The following PCYT1B variants were observed in gnomAD, a reference collection of about 807,000 sequenced individuals.
PCYT1B encodes the protein phosphate cytidylyltransferase 1B, choline.
A neutral mutation model predicts 26.4 loss-of-function variants in PCYT1B; 10 were observed. The ratio of observed to expected loss-of-function variants is 0.38; its 90% CI spans 0.23 to 0.64. The LOEUF (loss-of-function observed/expected upper bound fraction) is 0.64. PCYT1B is among the 30% of genes least tolerant of loss of function. The pLI, the probability that PCYT1B is intolerant of heterozygous loss-of-function variation, is 0.56. For missense variants in PCYT1B, 161 were observed against 292.7 expected (o/e 0.55, Z 3.28); for synonymous variants, 131 against 108.4 (o/e 1.21, Z -1.29).
In PCYT1B at chrX:24,590,249, C is replaced by T. The variant is rs1924514945; in HGVS notation, c.335-75G>A. 3.2e-6 allele frequency: 3 copies of T among 932,513 alleles called. 1 individual carries two copies. Among genetic ancestry groups the T allele is most frequent in the Non-Finnish European group, 4.4e-6 (3 of 677,987 alleles). The allele number at this position is 932,513 out of a possible 1,213,427, so 76.8% of individuals were successfully genotyped here. ...CACAGCCACCCTGGTTCAGACAAGGCTTCTTCAGCAGGACAAAAGAAGCAC... is the reference window on the plus strand; with the variant it reads ...CACAGCCACCCTGGTTCAGACAAGGTTTCTTCAGCAGGACAAAAGAAGCAC... On this transcript the variant is annotated intron_variant, in intron 3 of 7. Coordinates refer to ENST00000379144, the MANE Select transcript of PCYT1B (RefSeq NM_004845.5).
At chrX:24,614,790 CA>C (rs1925433102) in intron 2 of PCYT1B, among the ~76,000 whole-genome samples, 1 of 111,992 alleles carries the variant, frequency 8.9e-6, no homozygotes, top group African/African-American at 3.2e-5. Context: ...GGTAATCAAA[CA>C]GCAAGATTCT....
intron 1 of PCYT1B, among the ~76,000 whole-genome samples, chrX:24,625,171 G>T (rs1052630160): frequency 8.9e-6 from 1 of 112,232 alleles, no homozygotes; most frequent in Admixed American, 9.5e-5. Flanking sequence ...GATAAGAACA[G>T]GACTTCAGAA....
chrX:24,672,815 G>C (rs1187453396), upstream of PCYT1B: 1 of 407,728 alleles, frequency 2.5e-6, no homozygotes, highest in Non-Finnish European at 4.2e-6. Flanking sequence ...AGAGATTTGA[G>C]TTGCTAGGCA....
intron 7 of PCYT1B, among the ~76,000 whole-genome samples, chrX:24,567,442 A>G (rs374929917): frequency 8.0e-5 from 9 of 112,285 alleles, no homozygotes; most frequent in African/African-American, 2.9e-4. Context: ...GTTTGTAATG[A>G]GCTTCCTGGG....
chrX:24,653,268 C>A (rs749808312), intron 1 of PCYT1B, among the ~76,000 whole-genome samples: 1 of 111,276 alleles, frequency 9.0e-6, no homozygotes, highest in Admixed American at 9.6e-5. Flanking sequence ...CCCCTCAGGA[C>A]TTACCATAAT....
intron 1 of PCYT1B, among the ~76,000 whole-genome samples, chrX:24,641,845 G>A (rs929930570): frequency 3.6e-5 from 4 of 112,212 alleles, no homozygotes; most frequent in Non-Finnish European, 7.5e-5. Flanking sequence ...ACTGGGCAGA[G>A]CTGTTCTAGA....
At chrX:24,628,868 A>G (rs999997635) in intron 1 of PCYT1B, among the ~76,000 whole-genome samples, 15 of 112,181 alleles carry the variant, frequency 1.3e-4, no homozygotes, top group Non-Finnish European at 2.6e-4. Context: ...CTTATAACAG[A>G]TGCCTAGAAA....
chrX:24,559,512 C>T lies in PCYT1B; in HGVS notation c.*2781G>A, dbSNP rs1235697009. ...GAAAGAAAAGCGGAAAATCACTACC[C>T]TCCTGCTCCCCTACAACTTCAGTCC... is the stretch of plus-strand genomic sequence containing the variant. On this transcript the variant is annotated 3_prime_UTR_variant, in exon 8 of 8. Coordinates refer to ENST00000379144, the MANE Select transcript of PCYT1B (RefSeq NM_004845.5). The T allele has an allele frequency of 9.0e-6, 1 of 110,720 alleles. No individual in the cohort carries two copies. The highest frequency in any genetic ancestry group is 3.3e-5 in the African/African-American group (1 of 30,463). The allele number at this position is 110,720 out of a possible 1,213,427, so 9.1% of individuals were successfully genotyped here.
chrX:24,562,589 G>A (rs756341230), intron 7 of PCYT1B, 84 bp from the exon 8 acceptor site: 9 of 837,668 alleles, frequency 1.1e-5, no homozygotes, highest in South Asian at 2.3e-5. Flanking sequence ...AGGCAGGAGA[G>A]CCACTACCCC....
At chrX:24,672,459 GACT>G in intron 1 of PCYT1B, 2 of 506,439 alleles carry the variant, frequency 3.9e-6, no homozygotes, top group Non-Finnish European at 6.5e-6. Flanking sequence ...TTTTTAGTGT[GACT>G]ATTAATTAGC....
In PCYT1B at chrX:24,629,559, C is replaced by CAAAAAAAAAAAAAAA. The variant is rs1165553186; in HGVS notation, c.118-10490_118-10476dup. The stretch of plus-strand genomic sequence containing the variant: ...TGGGTGAAAGAGTGAGACCCTGTCT[C>CAAAAAAAAAAAAAAA]AAAAAAAAAAAAAAAAAAAAAAAAA... On this transcript the variant is annotated intron_variant, in intron 1 of 7. Coordinates refer to ENST00000379144, the MANE Select transcript of PCYT1B (RefSeq NM_004845.5). Among the ~76,000 whole-genome samples, 4 of 16,105 alleles carry CAAAAAAAAAAAAAAA rather than the reference C, an allele frequency of 2.5e-4. 1 individual carries two copies. Among genetic ancestry groups the CAAAAAAAAAAAAAAA allele is most frequent in the African/African-American group, 4.4e-4 (2 of 4,585 alleles). 14.0% of individuals were successfully genotyped at this position (16,105 alleles called of 115,157 possible).
Position 24,587,267 on chromosome X carries a change from T to A in PCYT1B, c.539A>T (p.Asp180Val), listed in dbSNP as rs1924401042. Residue 180 changes from aspartate (D) to valine (V), a missense_variant, in exon 5 of 8, where the codon GAT becomes GTT. Physicochemically the swap from Asp to Val is radical, Grantham distance 152. Coordinates refer to ENST00000379144, the MANE Select transcript of PCYT1B (RefSeq NM_004845.5). ...DIPYSSAGSD[D>V]VYKHIKEAGM... Reference sequence around the variant, plus strand: ...TGCTTCCTTTATGTGCTTGTAAACATCATCAGAGCCAGCAGAGGAATACGG... The same window carrying A: ...TGCTTCCTTTATGTGCTTGTAAACAACATCAGAGCCAGCAGAGGAATACGG... 1 of 1,204,310 alleles carries A rather than the reference T, an allele frequency of 8.3e-7. No individual in the cohort carries two copies. The highest frequency in any genetic ancestry group is 1.8e-5 in the African/African-American group (1 of 56,890).
upstream of PCYT1B, among the ~76,000 whole-genome samples, chrX:24,651,471 AAATATATATATATATAT>A (rs1159141754): frequency 4.9e-3 from 184 of 37,536 alleles, 20 homozygotes; most frequent in African/African-American, 0.028. Context: ...AAAAAAAAAA[AAATATATATATATATAT>A]ATATATATAT....
At chrX:24,656,578 A>T in intron 1 of PCYT1B, among the ~76,000 whole-genome samples, 1 of 53,933 alleles carries the variant, frequency 1.9e-5, no homozygotes, top group East Asian at 7.0e-4. Flanking sequence ...TTTTTTTGAG[A>T]CAGAGTCTTG....
intron 7 of PCYT1B, among the ~76,000 whole-genome samples, chrX:24,567,609 C>T (rs1413595441): frequency 8.9e-6 from 1 of 112,210 alleles, no homozygotes; most frequent in Non-Finnish European, 1.9e-5. Flanking sequence ...CCTGTCCATA[C>T]GAAAGTAGTT....
intron 3 of PCYT1B, among the ~76,000 whole-genome samples, chrX:24,591,044 CG>C (rs1167061034): frequency 1.8e-5 from 2 of 110,503 alleles, no homozygotes; most frequent in Non-Finnish European, 3.8e-5. Context: ...CCACCCACCT[CG>C]GGCTCCCAAA....
chrX:24,625,042 A>T (rs981611281), intron 1 of PCYT1B, among the ~76,000 whole-genome samples: 3 of 112,814 alleles, frequency 2.7e-5, no homozygotes, highest in Admixed American at 9.4e-5. Context: ...TTAGAAGCAT[A>T]GAAATCAATT....
rs1017054942 is a variant in PCYT1B, at chrX:24,559,862, A to G, written c.*2431T>C. On this transcript the variant is annotated 3_prime_UTR_variant, in exon 8 of 8. Coordinates refer to ENST00000379144, the MANE Select transcript of PCYT1B (RefSeq NM_004845.5). The stretch of plus-strand genomic sequence containing the variant: ...AAAGTTGGGTTGTAGAATCCTTCCC[A>G]TTCCTTCTCAGTAGATTTGCAGCCT... The G allele has an allele frequency of 1.8e-5, 2 of 111,458 alleles. No homozygotes were observed. Among genetic ancestry groups the G allele is most frequent in the African/African-American group, 6.5e-5 (2 of 30,626 alleles). The allele number at this position is 111,458 out of a possible 1,213,427, so 9.2% of individuals were successfully genotyped here.
At chrX:24,651,472 A>AAAAAT (rs1555965467), upstream of PCYT1B, among the ~76,000 whole-genome samples, 7 of 26,047 alleles carry the variant, frequency 2.7e-4, no homozygotes, top group Non-Finnish European at 3.6e-4. Flanking sequence ...AAAAAAAAAA[A>AAAAAT]ATATATATAT....
Sources: allele counts gnomAD v4.1 joint callset (sites outside exome capture counted in the v4.1 genomes callset), GRCh38; gene constraint gnomAD v4.1.1; transcripts MANE v1.5; gene names NCBI Gene and HGNC (gene_info 2026-07-23, HGNC 2026-07-21).